The following SLC5A10 variants were observed in gnomAD, a reference collection of about 807,000 sequenced individuals.
The protein encoded by SLC5A10 is sodium/mannose cotransporter SLC5A10.
SLC5A10 carries 55 observed loss-of-function variants against 68.9 expected under a neutral mutation model. The ratio of observed to expected loss-of-function variants is 0.80; its 90% confidence interval spans 0.64 to 1.00. The LOEUF is 1.00. Ranked by LOEUF, SLC5A10 falls within the 50% of genes least tolerant of loss-of-function variation. The pLI, the probability that SLC5A10 is intolerant of heterozygous loss-of-function variation, is 0.00. For missense variants in SLC5A10, 732 were observed against 819.3 expected, an observed-to-expected ratio of 0.89 and a Z score of 1.30; for synonymous variants, 344 against 344.8, an observed-to-expected ratio of 1.00 and a Z score of 0.02.
At position 18,975,517 on chromosome 17, in the gene SLC5A10, C is replaced by A. The variant is rs539968113; in HGVS notation, c.847-1337C>A. On this transcript the variant is annotated intron_variant, in intron 8 of 14. Coordinates refer to ENST00000395645, the MANE Select transcript of SLC5A10 (RefSeq NM_001042450.4). ...CCAGCCTGACCAACATGGTAAAACC[C>A]CATCTCTACTAAAAATACAAAAAAA... Among the ~76,000 whole-genome samples, 3 of 152,020 alleles carry A rather than the reference C, an allele frequency of 2.0e-5. No individual in the cohort carries two copies. In the East Asian group the frequency reaches 5.8e-4, roughly 29 times the overall value.
At chr17:18,984,266 C>T (rs1033228166) in intron 9 of SLC5A10, among the ~76,000 whole-genome samples, 4 of 145,080 alleles carry the variant, frequency 2.8e-5, no homozygotes, top group African/African-American at 8.0e-5. Context: ...GGCACGAACC[C>T]GGGAGGCAGA....
intron 1 of SLC5A10, chr17:18,953,897 C>G (rs2042430725): frequency 6.6e-6 from 1 of 152,302 alleles, no homozygotes; most frequent in African/African-American, 2.4e-5. Flanking sequence ...TTTCTGGTTT[C>G]AAATATTTCG....
chr17:19,006,179 G>A (rs2043884800), intron 9 of SLC5A10, among the ~76,000 whole-genome samples: 1 of 152,172 alleles, frequency 6.6e-6, no homozygotes, highest in Non-Finnish European at 1.5e-5. Context: ...TAATATCACA[G>A]CCAGAAAATT....
chr17:18,980,870 C>T (rs962890023), intron 9 of SLC5A10, among the ~76,000 whole-genome samples: 4 of 152,156 alleles, frequency 2.6e-5, no homozygotes, highest in South Asian at 2.1e-4. Flanking sequence ...TTAACACCCA[C>T]TCCAGGGATT....
chr17:19,000,464 CT>C lies in SLC5A10; in HGVS notation c.983-12945del, dbSNP rs1343371380. ...CACGGACTCTTGGCTCCTGGTCCTG[CT>C]GTCCACTAGTTCCATTCTAGTCATT... On this transcript the variant is annotated intron_variant, in intron 9 of 14. Transcript: ENST00000395645. The surrounding 1 kb of genome is among the most constrained non-coding windows in gnomAD (Gnocchi z 5.2). Among the ~76,000 whole-genome samples, 1 of 152,208 alleles carries C rather than the reference CT, an allele frequency of 6.6e-6. No homozygotes were observed. The highest frequency in any genetic ancestry group is 1.5e-5 in the Non-Finnish European group (1 of 68,020).
rs755241871 is a variant in SLC5A10, at chr17:19,013,408, A to T, written c.983-2A>T. The T allele has an allele frequency of 6.2e-7, 1 of 1,606,724 alleles. No homozygotes were observed. The highest frequency in any genetic ancestry group is 8.5e-7 in the Non-Finnish European group (1 of 1,176,328). On this transcript the variant is annotated splice_acceptor_variant, in intron 9 of 14. Coordinates refer to ENST00000395645, the MANE Select transcript of SLC5A10 (RefSeq NM_001042450.4). LOFTEE classifies it high-confidence loss of function. ...GACACCAAGTGTCCGTCTCTCGAAC[A>T]GATGATGTGGGCTGCGTGGTGCCGT...
Position 19,004,011 on chromosome 17 carries a change from C to G in SLC5A10, c.983-9399C>G, listed in dbSNP as rs753502256. On this transcript the variant is annotated intron_variant, in intron 9 of 14. Coordinates refer to ENST00000395645, the MANE Select transcript of SLC5A10 (RefSeq NM_001042450.4). The surrounding 1 kb of genome is among the most constrained non-coding windows in gnomAD (Gnocchi z 5.4). ...CTGGAGCGCCAGTTCACATGGTTGT[C>G]GTCCAGACACTGCACCTGAGAGAAG... 3.1e-6 allele frequency: 5 copies of G among 1,608,630 alleles called. No homozygotes were observed. Among genetic ancestry groups the G allele is most frequent in the Non-Finnish European group, 4.2e-6 (5 of 1,177,438 alleles).
intron 11 of SLC5A10, 100 bp downstream of exon 11, chr17:19,015,299 G>T (rs2044117393): frequency 3.6e-6 from 3 of 837,916 alleles, no homozygotes; most frequent in Non-Finnish European, 5.5e-6. Flanking sequence ...CTTAGAGAAA[G>T]GTGGATGCCA....
chr17:19,011,809 G>C (rs56337615), intron 9 of SLC5A10, among the ~76,000 whole-genome samples: 9,571 of 151,432 alleles, frequency 0.063, 997 homozygotes, highest in African/African-American at 0.22. Context: ...GGGTAGGGGG[G>C]ACTGCCAGGG....
upstream of SLC5A10, chr17:18,951,953 C>T (rs2042375464): frequency 6.2e-6 from 3 of 484,596 alleles, no homozygotes; most frequent in Middle Eastern, 5.6e-4. Context: ...AAGGAGGCTC[C>T]TTCCTTTCCT....
chr17:18,994,629 G>A (rs1308168615), intron 9 of SLC5A10, among the ~76,000 whole-genome samples: 1 of 152,210 alleles, frequency 6.6e-6, no homozygotes, highest in African/African-American at 2.4e-5. Flanking sequence ...ACCGGGAATA[G>A]TGTATGTGCC....
intron 9 of SLC5A10, among the ~76,000 whole-genome samples, chr17:18,981,140 G>A (rs773933303): frequency 6.6e-6 from 1 of 152,176 alleles, no homozygotes; most frequent in Non-Finnish European, 1.5e-5. Flanking sequence ...GGAGGCTGAG[G>A]GGGTAAACGA....
chr17:18,995,456 C>T (rs561227499), intron 9 of SLC5A10, among the ~76,000 whole-genome samples: 129 of 152,268 alleles, frequency 8.5e-4, no homozygotes, highest in African/African-American at 3.1e-3. Context: ...ACTGAAAGAA[C>T]ATGAACACAG....
chr17:18,999,139 G>A (rs994453195), intron 9 of SLC5A10, among the ~76,000 whole-genome samples: 5 of 152,148 alleles, frequency 3.3e-5, no homozygotes, highest in African/African-American at 2.4e-5. Context: ...TTAGCTGGGC[G>A]TGGTGGCGCA....
chr17:18,994,575 C>T (rs1330740800), intron 9 of SLC5A10, among the ~76,000 whole-genome samples: 1 of 152,158 alleles, frequency 6.6e-6, no homozygotes, highest in African/African-American at 2.4e-5. Context: ...AGCAGAGAAC[C>T]ACCGGAAAGG....
Position 18,959,380 on chromosome 17 carries a change from G to A in SLC5A10, c.288+141G>A, listed in dbSNP as rs556143819. 221 of 961,184 alleles carry A rather than the reference G, an allele frequency of 2.3e-4. No homozygotes were observed. The African/African-American group carries it at 2.7e-3, about 12-fold the overall frequency. The allele number at this position is 961,184 out of a possible 1,614,324, so 59.5% of individuals were successfully genotyped here. The stretch of plus-strand genomic sequence containing the variant: ...TGCAGTGCTGTTCCTGGGCCAAATC[G>A]TGTCTTCAGAATACCAAGGTGCTGG... On this transcript the variant is annotated intron_variant, in intron 3 of 14. Coordinates refer to ENST00000395645, the MANE Select transcript of SLC5A10 (RefSeq NM_001042450.4).
intron 5 of SLC5A10, among the ~76,000 whole-genome samples, chr17:18,965,466 C>A (rs1030800386): frequency 6.6e-6 from 1 of 152,192 alleles, no homozygotes. Flanking sequence ...TGGCTGAGAG[C>A]GGGCAGGGCA....
rs1206125614 is a variant in SLC5A10 at position 19,019,916 on chromosome 17, A to C, written c.1614A>C (p.Pro538=). 1.9e-6 allele frequency: 3 copies of C among 1,606,826 alleles called. No homozygotes were observed. The highest frequency in any genetic ancestry group is 1.1e-5 in the South Asian group (1 of 90,116). ...VVAGSLLTPP[P]QSVQIENLTW... is the part of the protein sequence containing the mutation. ...CTGGAAGCCTGCTGACCCCACCCCCACAGAGTGTCCAGGTGAGCCAGCCCT... is the reference window on the plus strand; with the variant it reads ...CTGGAAGCCTGCTGACCCCACCCCCCCAGAGTGTCCAGGTGAGCCAGCCCT... Residue 538 remains proline, a synonymous_variant, in exon 13 of 15, where the codon CCA becomes CCC. Coordinates refer to ENST00000395645, the MANE Select transcript of SLC5A10 (RefSeq NM_001042450.4).
chr17:18,988,173 T>C (rs1391877322), intron 9 of SLC5A10: 11 of 1,559,980 alleles, frequency 7.1e-6, no homozygotes, highest in Non-Finnish European at 9.6e-6. Context: ...AGCAGGCAGG[T>C]ACTCGAAGTG....
Sources: gnomAD v4.1 joint callset for allele counts (sites outside exome capture counted in the v4.1 genomes callset) on GRCh38, gnomAD v4.1.1 for gene constraint, Gnocchi (gnomAD v3.1) non-coding constraint, MANE v1.5 for transcripts, NCBI Gene and HGNC (gene_info 2026-07-23, HGNC 2026-07-21) for gene names.